Variants in CNTNAP2 observed in about 807,000 individuals in gnomAD.
CNTNAP2 encodes contactin-associated protein-like 2.
CNTNAP2 carries 98 observed loss-of-function variants against 155.2 expected under a neutral mutation model. The observed-to-expected ratio is 0.63, with a 90% CI of 0.54 to 0.75. CNTNAP2 has a LOEUF of 0.75. Ranked by LOEUF, CNTNAP2 falls within the 30% of genes least tolerant of loss-of-function variation. The pLI, the probability that CNTNAP2 is intolerant of heterozygous loss-of-function variation, is 0.00. For missense variants in CNTNAP2, 1,727 were observed against 1,688.1 expected (o/e 1.02, Z -0.40); for synonymous variants, 651 against 631.2 (o/e 1.03, Z -0.47).
chr7:146,668,539 G>T (rs749610265), intron 1 of CNTNAP2, among the ~76,000 whole-genome samples: 11 of 151,448 alleles, frequency 7.3e-5, no homozygotes, highest in Non-Finnish European at 1.2e-4. Context: ...AATTCCCTCG[G>T]CTTCAATTTT....
At chr7:146,245,661 G>A (rs1407226165) in intron 1 of CNTNAP2, among the ~76,000 whole-genome samples, 6 of 152,110 alleles carry the variant, frequency 3.9e-5, no homozygotes, top group Admixed American at 2.6e-4. Context: ...AGGAAAGCAC[G>A]TGTGTTTTTA....
intron 13 of CNTNAP2, among the ~76,000 whole-genome samples, chr7:147,831,252 G>C (rs901500241): frequency 1.3e-5 from 2 of 152,078 alleles, no homozygotes; most frequent in African/African-American, 2.4e-5. Flanking sequence ...TTCAGTTTAA[G>C]GAAAAACCAT....
chr7:148,137,373 G>T (rs1804976869), intron 16 of CNTNAP2, among the ~76,000 whole-genome samples: 1 of 152,280 alleles, frequency 6.6e-6, no homozygotes, highest in Middle Eastern at 3.4e-3. Flanking sequence ...TATAGAAAAT[G>T]ATTCAGTTGG....
chr7:147,630,168 C>A (rs1795058630), intron 12 of CNTNAP2, among the ~76,000 whole-genome samples: 1 of 151,728 alleles, frequency 6.6e-6, no homozygotes. Flanking sequence ...TACAAAAGAT[C>A]ATTCAAGGCT....
intron 13 of CNTNAP2, among the ~76,000 whole-genome samples, chr7:147,899,999 C>A (rs1044799962): frequency 6.6e-6 from 1 of 152,176 alleles, no homozygotes; most frequent in African/African-American, 2.4e-5. Context: ...CTTTTCTTCC[C>A]GCCATTCACC....
rs528447077 is a variant in CNTNAP2 at position 148,419,135 on chromosome 7, C to A, written c.*3519C>A. ...CTCTTCCTCTCCTCACCACATTATA[C>A]CCTGCTCTTACGCAGTAAACGTTTT... On this transcript the variant is annotated 3_prime_UTR_variant, in exon 24 of 24. Coordinates refer to ENST00000361727, the MANE Select transcript of CNTNAP2 (RefSeq NM_014141.6). The A allele has an allele frequency of 1.3e-5, 2 of 152,340 alleles. No homozygotes were observed. Among genetic ancestry groups the A allele is most frequent in the South Asian group, 2.1e-4 (1 of 4,830 alleles). 9.4% of individuals were successfully genotyped at this position (152,340 alleles called of 1,614,324 possible). A position where few individuals can be genotyped will look rare whatever the true frequency, so the allele number is the denominator to read the frequency against.
At position 147,369,171 on chromosome 7, in the gene CNTNAP2, A is replaced by G. The variant is rs1327160306; in HGVS notation, c.1499-26438A>G. ...ACAAAGTAAAGGATATTTTATAACC[A>G]TGTTAGAACTTGAAAAAGCACTTGC... On this transcript the variant is annotated intron_variant, in intron 9 of 23. Coordinates refer to ENST00000361727, the MANE Select transcript of CNTNAP2 (RefSeq NM_014141.6). Among the ~76,000 whole-genome samples, 3 of 152,250 alleles carry G rather than the reference A, an allele frequency of 2.0e-5. No individual in the cohort carries two copies. In the South Asian group the frequency reaches 6.2e-4, roughly 31 times the overall value.
intron 15 of CNTNAP2, among the ~76,000 whole-genome samples, chr7:148,095,892 C>T (rs1309561038): frequency 6.6e-6 from 1 of 152,146 alleles, no homozygotes; most frequent in Non-Finnish European, 1.5e-5. Context: ...TGCTTTATTG[C>T]TCTCTTTAAG....
chr7:148,007,025 G>T (rs1801995344), intron 15 of CNTNAP2, among the ~76,000 whole-genome samples: 1 of 152,316 alleles, frequency 6.6e-6, no homozygotes, highest in Admixed American at 6.5e-5. Flanking sequence ...GGTCATTTCA[G>T]AGAGCAGTTC....
chr7:147,896,457 C>T (rs779584919), intron 13 of CNTNAP2, among the ~76,000 whole-genome samples: 16 of 152,162 alleles, frequency 1.1e-4, no homozygotes, highest in Non-Finnish European at 1.8e-4. Context: ...TTTATTATTA[C>T]TCAAATCAGT....
At chr7:146,931,256 CA>C (rs1311354178) in intron 3 of CNTNAP2, among the ~76,000 whole-genome samples, 1 of 152,172 alleles carries the variant, frequency 6.6e-6, no homozygotes, top group Non-Finnish European at 1.5e-5. Context: ...ACAGTGCAAT[CA>C]AACCAGAAAT....
At chr7:146,220,272 A>AT (rs1002439988) in intron 1 of CNTNAP2, among the ~76,000 whole-genome samples, 16 of 112,524 alleles carry the variant, frequency 1.4e-4, no homozygotes, top group African/African-American at 5.4e-4. Flanking sequence ...ATCTTGAAGT[A>AT]TTGGGGAATG....
At chr7:147,377,530 T>C (rs1796456769) in intron 9 of CNTNAP2, among the ~76,000 whole-genome samples, 1 of 151,926 alleles carries the variant, frequency 6.6e-6, no homozygotes, top group Admixed American at 6.6e-5. Flanking sequence ...CATAGTTCCA[T>C]TCTTTGACAC....
chr7:148,075,598 G>C (rs1331559234), intron 15 of CNTNAP2, among the ~76,000 whole-genome samples: 1 of 152,126 alleles, frequency 6.6e-6, no homozygotes, highest in Non-Finnish European at 1.5e-5. Context: ...TCAGATACAA[G>C]TGATAAAAAA....
In CNTNAP2 at chr7:148,147,821, A is replaced by T. The variant is rs187561547; in HGVS notation, c.2773+112A>T. ...CAAGGTTTGATATAGAGATCCTTCC[A>T]AAAGTAAAGGTGTTGGCCTCTTGTA... On this transcript the variant is annotated intron_variant, in intron 17 of 23. Coordinates refer to ENST00000361727, the MANE Select transcript of CNTNAP2 (RefSeq NM_014141.6). The T allele has an allele frequency of 2.7e-6, 3 of 1,095,114 alleles. No homozygotes were observed. In the African/African-American group the frequency reaches 4.7e-5, roughly 17 times the overall value. The allele number at this position is 1,095,114 out of a possible 1,614,324, so 67.8% of individuals were successfully genotyped here. A position where few individuals can be genotyped will look rare whatever the true frequency, so the allele number is the denominator to read the frequency against.
At chr7:147,061,354 T>A (rs1799666324) in intron 4 of CNTNAP2, among the ~76,000 whole-genome samples, 1 of 152,230 alleles carries the variant, frequency 6.6e-6, no homozygotes, top group Non-Finnish European at 1.5e-5. Context: ...GCTTTAAATA[T>A]CATTTTAAAA....
chr7:148,207,355 C>T (rs1795468373), intron 18 of CNTNAP2, among the ~76,000 whole-genome samples: 1 of 152,104 alleles, frequency 6.6e-6, no homozygotes, highest in East Asian at 1.9e-4. Flanking sequence ...ACGTGGAGTA[C>T]GCGAAGGAGA....
At chr7:146,393,057 T>C (rs995570669) in intron 1 of CNTNAP2, among the ~76,000 whole-genome samples, 1 of 152,174 alleles carries the variant, frequency 6.6e-6, no homozygotes. Context: ...AGAGCATCAA[T>C]GAAATGAAGA....
At chr7:146,734,075 C>A (rs1373512306) in intron 1 of CNTNAP2, among the ~76,000 whole-genome samples, 1 of 151,970 alleles carries the variant, frequency 6.6e-6, no homozygotes, top group African/African-American at 2.4e-5. Flanking sequence ...AATAAAGATG[C>A]TGGTAGCTTG....
Sources: gnomAD v4.1 joint callset for allele counts (sites outside exome capture counted in the v4.1 genomes callset) on GRCh38, gnomAD v4.1.1 for gene constraint, MANE v1.5 for transcripts, NCBI Gene and HGNC (gene_info 2026-07-23, HGNC 2026-07-21) for gene names.